ADCY2: variants seen among roughly 807,000 people sequenced by gnomAD.
The protein encoded by ADCY2 is adenylate cyclase type 2.
A neutral mutation model predicts 125.2 loss-of-function variants in ADCY2; 31 were observed. That is an observed-to-expected ratio of 0.25 (90% confidence interval 0.19 to 0.33). The LOEUF (loss-of-function observed/expected upper bound fraction) is 0.33. Ranked by LOEUF, ADCY2 falls within the 10% of genes least tolerant of loss-of-function variation. The probability of loss-of-function intolerance (pLI) is 1.00; values close to 1 mark genes in which losing one functional copy is unlikely to be tolerated. For missense variants in ADCY2, 904 were observed against 1,418.2 expected (o/e 0.64, Z 5.82); for synonymous variants, 512 against 548.4 (o/e 0.93, Z 0.93).
intron 18 of ADCY2, among the ~76,000 whole-genome samples, chr5:7,775,609 T>C (rs979054126): frequency 6.6e-6 from 1 of 152,184 alleles, no homozygotes; most frequent in African/African-American, 2.4e-5. Flanking sequence ...CAGGCTACTC[T>C]TGATCTCCTG....
chr5:7,537,056 A>G (rs1021161895), intron 3 of ADCY2, among the ~76,000 whole-genome samples: 1 of 152,084 alleles, frequency 6.6e-6, no homozygotes, highest in Non-Finnish European at 1.5e-5. Flanking sequence ...AATTTTGTGG[A>G]TTTTGATTAA....
chr5:7,632,333 A>G (rs949017909), intron 4 of ADCY2, among the ~76,000 whole-genome samples: 2 of 152,104 alleles, frequency 1.3e-5, no homozygotes, highest in African/African-American at 2.4e-5. Context: ...TTCATCTTTT[A>G]TTAAATCATT....
At position 7,820,700 on chromosome 5, in the gene ADCY2, G is replaced by C; in HGVS notation, c.3123+11G>C. On this transcript the variant is annotated intron_variant, in intron 24 of 24. Transcript: ENST00000338316. ...CTGGACAAAATACAGGTAATGCAGAGTGTGGTCTGCGCTGCCTGCATCAAC... is the reference window on the plus strand; with the variant it reads ...CTGGACAAAATACAGGTAATGCAGACTGTGGTCTGCGCTGCCTGCATCAAC... The C allele has an allele frequency of 6.2e-7, 1 of 1,612,408 alleles. No homozygotes were observed. The highest frequency in any genetic ancestry group is 8.5e-7 in the Non-Finnish European group (1 of 1,179,068).
At chr5:7,441,612 C>T (rs1367553985) in intron 2 of ADCY2, among the ~76,000 whole-genome samples, 1 of 152,132 alleles carries the variant, frequency 6.6e-6, no homozygotes, top group African/African-American at 2.4e-5. Context: ...TTCAAGCTGC[C>T]ACTGGCTCCC....
At chr5:7,643,706 A>T (rs988006309) in intron 4 of ADCY2, among the ~76,000 whole-genome samples, 1 of 152,148 alleles carries the variant, frequency 6.6e-6, no homozygotes. Flanking sequence ...AGAAATAAAT[A>T]TAGTCCATTT....
chr5:7,539,746 G>A (rs1347309741), intron 3 of ADCY2, among the ~76,000 whole-genome samples: 1 of 152,190 alleles, frequency 6.6e-6, no homozygotes, highest in East Asian at 1.9e-4. Context: ...TACTCAGCTT[G>A]GCTCTAGGAA....
intron 2 of ADCY2, among the ~76,000 whole-genome samples, chr5:7,488,010 A>T (rs1743005333): frequency 6.6e-6 from 1 of 152,216 alleles, no homozygotes. Context: ...GAAAGAAAAA[A>T]ACATTATGAT....
At chr5:7,478,694 G>C (rs1034077558) in intron 2 of ADCY2, among the ~76,000 whole-genome samples, 1 of 152,082 alleles carries the variant, frequency 6.6e-6, no homozygotes, top group Non-Finnish European at 1.5e-5. Flanking sequence ...TTTTTTTAAA[G>C]GGAAAGTTCC....
rs557498607 is a variant in ADCY2, at chr5:7,665,907, C to T, written c.721-24784C>T. Among the ~76,000 whole-genome samples, 354 of 120,954 alleles carry T rather than the reference C, an allele frequency of 2.9e-3. 2 individuals carry two copies. Among genetic ancestry groups the T allele is most frequent in the Non-Finnish European group, 4.4e-3 (277 of 63,212 alleles). 79.4% of individuals were successfully genotyped at this position (120,954 alleles called of 152,430 possible). On this transcript the variant is annotated intron_variant, in intron 4 of 24. Transcript: ENST00000338316. ...AGGCTGGAGTGCAGTGGTGCCATCTCGGCTCACTGCAAGCTCTGCCTCCCG... is the reference window on the plus strand; with the variant it reads ...AGGCTGGAGTGCAGTGGTGCCATCTTGGCTCACTGCAAGCTCTGCCTCCCG...
rs1267637478 is a variant in ADCY2, at chr5:7,724,584, G to A, written c.1743G>A (p.Leu581=). Residue 581 remains leucine (L), a synonymous_variant, in exon 13 of 25, where the codon CTG becomes CTA. Coordinates refer to ENST00000338316, the MANE Select transcript of ADCY2 (RefSeq NM_020546.3). ...LKSEDIQRIS[L]LFYNKVLEKE... ...CTGAAGACATTCAGAGAATCTCACT[G>A]CTTTTCTATAACAAAGTACTAGAAA... is the stretch of plus-strand genomic sequence containing the variant. 1.9e-6 allele frequency: 3 copies of A among 1,598,294 alleles called. No individual in the cohort carries two copies. Among genetic ancestry groups the A allele is most frequent in the Non-Finnish European group, 8.5e-7 (1 of 1,175,842 alleles).
At chr5:7,433,694 AGAATT>A (rs1476242774) in intron 2 of ADCY2, among the ~76,000 whole-genome samples, 6 of 152,314 alleles carry the variant, frequency 3.9e-5, no homozygotes, top group East Asian at 1.9e-4. Flanking sequence ...ATCAAATAAT[AGAATT>A]GAATTGTATT....
At chr5:7,652,244 TG>T (rs1230448589) in intron 4 of ADCY2, among the ~76,000 whole-genome samples, 3 of 152,190 alleles carry the variant, frequency 2.0e-5, no homozygotes, top group Non-Finnish European at 4.4e-5. Flanking sequence ...CTTATAGCCG[TG>T]GGCACTTCCT....
At chr5:7,771,367 A>G (rs1044420189) in intron 17 of ADCY2, among the ~76,000 whole-genome samples, 1 of 152,216 alleles carries the variant, frequency 6.6e-6, no homozygotes, top group African/African-American at 2.4e-5. Context: ...ATTGCAGCTA[A>G]GAAACTGTGC....
Position 7,827,811 on chromosome 5 carries a change from T to C in ADCY2, c.*940T>C, listed in dbSNP as rs1265720472. 6.6e-6 allele frequency: 1 copy of C among 152,354 alleles called. No homozygotes were observed. Among genetic ancestry groups the C allele is most frequent in the Admixed American group, 6.5e-5 (1 of 15,282 alleles). 9.4% of individuals were successfully genotyped at this position (152,354 alleles called of 1,614,324 possible). On this transcript the variant is annotated 3_prime_UTR_variant, in exon 25 of 25. Coordinates refer to ENST00000338316, the MANE Select transcript of ADCY2 (RefSeq NM_020546.3). Reference sequence around the variant, plus strand: ...AGAACGCTTTCAGGGAAAAATACTTTAATAGTAAAAAGATTCTCTGCGAGC... The same window carrying C: ...AGAACGCTTTCAGGGAAAAATACTTCAATAGTAAAAAGATTCTCTGCGAGC...
intron 16 of ADCY2, among the ~76,000 whole-genome samples, chr5:7,760,700 A>G (rs1406094644): frequency 6.6e-5 from 10 of 152,214 alleles, no homozygotes; most frequent in African/African-American, 2.2e-4. Flanking sequence ...TGAAATGATT[A>G]CTGCAGGCAA....
intron 12 of ADCY2, among the ~76,000 whole-genome samples, chr5:7,722,960 C>CAAAAAA (rs60426818): frequency 2.7e-4 from 14 of 51,668 alleles, no homozygotes; most frequent in African/African-American, 9.8e-4. Flanking sequence ...AACTCCATCT[C>CAAAAAA]AAAAAAAAAA....
chr5:7,815,643 G>C lies in ADCY2; in HGVS notation c.2884-1223G>C, dbSNP rs145634984. ...ACAAATTCATGTTAAATATAAACAG[G>C]TAACAGGAATGATAAACAGAAATTA... is the stretch of plus-strand genomic sequence containing the variant. On this transcript the variant is annotated intron_variant, in intron 22 of 24. Coordinates refer to ENST00000338316, the MANE Select transcript of ADCY2 (RefSeq NM_020546.3). 2.5e-3 allele frequency among the ~76,000 whole-genome samples: 383 copies of C among 152,264 alleles called. 1 individual carries two copies. Among genetic ancestry groups the C allele is most frequent in the African/African-American group, 8.8e-3 (366 of 41,546 alleles).
intron 23 of ADCY2, 107 bp downstream of exon 23, chr5:7,817,087 C>A: frequency 2.6e-6 from 2 of 782,210 alleles, no homozygotes; most frequent in Non-Finnish European, 4.3e-6. Flanking sequence ...AGAACAATTA[C>A]AAATGCATCC....
intron 14 of ADCY2, among the ~76,000 whole-genome samples, chr5:7,735,031 A>G (rs142211690): frequency 1.3e-5 from 2 of 152,292 alleles, no homozygotes; most frequent in East Asian, 3.9e-4. Context: ...GAAAGGCCCC[A>G]TTTCCCTAAT....
Sources: allele counts gnomAD v4.1 joint callset (sites outside exome capture counted in the v4.1 genomes callset), GRCh38; gene constraint gnomAD v4.1.1; transcripts MANE v1.5; gene names NCBI Gene and HGNC (gene_info 2026-07-23, HGNC 2026-07-21).